Variants in SPATA6 observed in about 807,000 individuals in gnomAD.
SPATA6 encodes the protein spermatogenesis-associated protein 6.
SPATA6 carries 56 observed loss-of-function variants against 65.3 expected under a neutral mutation model. That is an observed-to-expected ratio of 0.86 (90% CI 0.69 to 1.07). The LOEUF is 1.07. SPATA6 is among the 50% of genes least tolerant of loss of function. SPATA6 has a pLI of 0.00. For missense variants in SPATA6, 590 were observed against 594.8 expected, an observed-to-expected ratio of 0.99 and a Z score of 0.08; for synonymous variants, 199 against 213.2, an observed-to-expected ratio of 0.93 and a Z score of 0.58.
At chr1:48,412,800 G>A (rs1394340202) in intron 4 of SPATA6, among the ~76,000 whole-genome samples, 1 of 151,972 alleles carries the variant, frequency 6.6e-6, no homozygotes, top group Non-Finnish European at 1.5e-5. Context: ...TCTATTTTTA[G>A]TAGAGACGGG....
At chr1:48,384,099 C>A (rs1649134450) in intron 9 of SPATA6, among the ~76,000 whole-genome samples, 1 of 150,796 alleles carries the variant, frequency 6.6e-6, no homozygotes, top group South Asian at 2.1e-4. Context: ...CTCGGGAGGC[C>A]GAGGCTGGCG....
intron 3 of SPATA6, among the ~76,000 whole-genome samples, chr1:48,426,578 C>T (rs1044027670): frequency 1.3e-5 from 2 of 152,010 alleles, no homozygotes; most frequent in African/African-American, 4.8e-5. Flanking sequence ...ACACTACATA[C>T]GGAAGCTCTT....
At chr1:48,310,546 G>C (rs180729063) in intron 11 of SPATA6, among the ~76,000 whole-genome samples, 255 of 152,258 alleles carry the variant, frequency 1.7e-3, no homozygotes, top group African/African-American at 5.9e-3. Flanking sequence ...GAGCCCCCTA[G>C]GACTCTGGCC....
Position 48,301,197 on chromosome 1 carries a change from A to G in SPATA6, c.1287-2304T>C, listed in dbSNP as rs1023748479. Among the ~76,000 whole-genome samples, 3 of 152,116 alleles carry G rather than the reference A, an allele frequency of 2.0e-5. No individual in the cohort carries two copies. In the East Asian group the frequency reaches 5.8e-4, roughly 29 times the overall value. On this transcript the variant is annotated intron_variant, in intron 12 of 12. Coordinates refer to ENST00000371847, the MANE Select transcript of SPATA6 (RefSeq NM_019073.4). ...AACACATTTAGTAAGGTTGCAAAAT[A>G]AAAAATTAACATGCAATAATCAACA...
Position 48,399,498 on chromosome 1 carries a change from A to G in SPATA6, c.633T>C (p.Ile211=). Residue 211 remains isoleucine, a synonymous_variant, in exon 7 of 13, where the codon ATT becomes ATC. Transcript: ENST00000371847. ...GAGATGGAGAGTGTGATTTTGAAGA[A>G]ATTGTAGGCTGTTCGTAGTTTTTTG... The part of the protein sequence containing the change: ...INAKNYEQPT[I]SSKSHSPSPY... 6.2e-7 allele frequency: 1 copy of G among 1,613,188 alleles called. No homozygotes were observed. Among genetic ancestry groups the G allele is most frequent in the Non-Finnish European group, 8.5e-7 (1 of 1,179,452 alleles).
the SPATA6 span, among the ~76,000 whole-genome samples, chr1:48,286,687 G>C: frequency 6.6e-6 from 1 of 151,952 alleles, no homozygotes; most frequent in Non-Finnish European, 1.5e-5. Context: ...TTTTGTATTA[G>C]TCACGTCTTA....
intron 1 of SPATA6, among the ~76,000 whole-genome samples, chr1:48,461,334 T>C (rs1311197926): frequency 1.3e-5 from 2 of 152,200 alleles, no homozygotes; most frequent in Non-Finnish European, 2.9e-5. Flanking sequence ...CAGAAGCTCT[T>C]TAGTTTAATT....
At chr1:48,430,914 T>C (rs1654341931) in intron 3 of SPATA6, among the ~76,000 whole-genome samples, 1 of 152,002 alleles carries the variant, frequency 6.6e-6, no homozygotes, top group Non-Finnish European at 1.5e-5. Flanking sequence ...ATGAAATAAG[T>C]CTCTATCAGT....
At chr1:48,438,970 C>A (rs1239243390) in intron 3 of SPATA6, among the ~76,000 whole-genome samples, 1 of 152,116 alleles carries the variant, frequency 6.6e-6, no homozygotes, top group Non-Finnish European at 1.5e-5. Context: ...CTATGGGGAG[C>A]CTCAGAAATG....
intron 12 of SPATA6, among the ~76,000 whole-genome samples, chr1:48,300,016 GGAGA>G (rs150641436): frequency 3.3e-5 from 5 of 151,304 alleles, no homozygotes; most frequent in Admixed American, 6.6e-5. Context: ...AAAGAAGGTG[GGAGA>G]GAGAGAGAGA....
At chr1:48,309,372 A>C (rs1382174032) in intron 11 of SPATA6, among the ~76,000 whole-genome samples, 1 of 152,110 alleles carries the variant, frequency 6.6e-6, no homozygotes, top group Non-Finnish European at 1.5e-5. Context: ...GCCTGCTCGT[A>C]GGGTGCCAAT....
At chr1:48,376,049 G>C (rs1647857746) in intron 9 of SPATA6, among the ~76,000 whole-genome samples, 1 of 152,110 alleles carries the variant, frequency 6.6e-6, no homozygotes, top group South Asian at 2.1e-4. Flanking sequence ...AAAACCATTT[G>C]CCTTTCAGAT....
chr1:48,435,538 C>T (rs1451948118), intron 3 of SPATA6, among the ~76,000 whole-genome samples: 7 of 151,572 alleles, frequency 4.6e-5, no homozygotes, highest in Non-Finnish European at 7.4e-5. Flanking sequence ...GCATTGTAAA[C>T]ACACCAATCA....
At chr1:48,389,703 A>G (rs1329702868) in intron 8 of SPATA6, among the ~76,000 whole-genome samples, 1 of 152,202 alleles carries the variant, frequency 6.6e-6, no homozygotes, top group Non-Finnish European at 1.5e-5. Flanking sequence ...TCATAAATTT[A>G]GGAAAAATAA....
the SPATA6 span, among the ~76,000 whole-genome samples, chr1:48,285,134 G>A: frequency 1.3e-5 from 2 of 152,166 alleles, no homozygotes. Context: ...TGCCAAGAGA[G>A]GAGGAATCTG....
At chr1:48,454,909 C>G (rs972793020) in intron 1 of SPATA6, among the ~76,000 whole-genome samples, 31 of 152,312 alleles carry the variant, frequency 2.0e-4, no homozygotes, top group African/African-American at 7.5e-4. Context: ...ACCATATAAC[C>G]TGCCATCTTA....
rs763728138 is a variant in SPATA6 at position 48,453,010 on chromosome 1, C to G, written c.173G>C (p.Arg58Thr). The change falls in exon 2 of 13, where the codon AGA (arginine) becomes ACA (threonine). Residue 58 changes from arginine (R) to threonine (T), a missense_variant. Physicochemically the swap from Arg to Thr is moderately conservative, Grantham distance 71 (BLOSUM62 -1). Coordinates refer to ENST00000371847, the MANE Select transcript of SPATA6 (RefSeq NM_019073.4). ...PATFPLVFNA[R>T]MVFEKVFPDA... ...TGAACTCACCTTTTCAAACACCATT[C>G]TGGCATTGAAGACCAGGGGAAAAGT... The G allele has an allele frequency of 6.2e-7, 1 of 1,613,260 alleles. No individual in the cohort carries two copies. The highest frequency in any genetic ancestry group is 8.5e-7 in the Non-Finnish European group (1 of 1,179,780).
chr1:48,332,640 C>T (rs1446975495), intron 11 of SPATA6, among the ~76,000 whole-genome samples: 1 of 152,162 alleles, frequency 6.6e-6, no homozygotes, highest in Non-Finnish European at 1.5e-5. Flanking sequence ...GACTTCAATA[C>T]CCTGCTGACA....
At chr1:48,467,813 G>A (rs1381213235) in intron 1 of SPATA6, among the ~76,000 whole-genome samples, 1 of 151,960 alleles carries the variant, frequency 6.6e-6, no homozygotes, top group Non-Finnish European at 1.5e-5. Context: ...TAATCATCAG[G>A]GAAATGCAAA....
Sources: allele counts gnomAD v4.1 joint callset (sites outside exome capture counted in the v4.1 genomes callset), GRCh38; gene constraint gnomAD v4.1.1; transcripts MANE v1.5; gene names NCBI Gene and HGNC (gene_info 2026-07-23, HGNC 2026-07-21).